ITIH5: variants seen among roughly 807,000 people sequenced by gnomAD.
ITIH5 encodes inter-alpha-trypsin inhibitor heavy chain H5.
Under a neutral mutation model 77.5 loss-of-function variants are expected in ITIH5, and 65 were observed. The ratio of observed to expected loss-of-function variants is 0.84; its 90% CI spans 0.69 to 1.03. The LOEUF (loss-of-function observed/expected upper bound fraction) is 1.03, where lower values mean the gene tolerates loss of function less well. Among genes scored for constraint, ITIH5 ranks in the 50% least tolerant of loss-of-function variants. The pLI is 0.00. For missense variants in ITIH5, 1,208 were observed against 1,213.1 expected, an observed-to-expected ratio of 1.00 and a Z score of 0.06; for synonymous variants, 525 against 494.3, an observed-to-expected ratio of 1.06 and a Z score of -0.82.
intron 2 of ITIH5, among the ~76,000 whole-genome samples, chr10:7,653,497 C>T (rs1246504947): frequency 6.6e-6 from 1 of 151,964 alleles, no homozygotes; most frequent in Non-Finnish European, 1.5e-5. Context: ...CGTGAGCCAT[C>T]GAGCCTGGCA....
chr10:7,575,030 C>T (rs2130953981), intron 10 of ITIH5, among the ~76,000 whole-genome samples: 1 of 152,244 alleles, frequency 6.6e-6, no homozygotes, highest in African/African-American at 2.4e-5. Context: ...TGCTTTTAAT[C>T]ACAACAAAAA....
intron 5 of ITIH5, among the ~76,000 whole-genome samples, chr10:7,623,818 AAAAAAATACCTT>A (rs1229831593): frequency 6.6e-6 from 1 of 151,604 alleles, no homozygotes; most frequent in Non-Finnish European, 1.5e-5. Flanking sequence ...AAAAAAAAAA[AAAAAAATACCTT>A]CATAAGTCTC....
chr10:7,603,873 A>G (rs560129170), intron 7 of ITIH5, among the ~76,000 whole-genome samples: 24 of 152,050 alleles, frequency 1.6e-4, no homozygotes, highest in South Asian at 1.0e-3. Flanking sequence ...ATGAGCCACC[A>G]CGCCCGGCCT....
Position 7,644,599 on chromosome 10 carries a change from CATATCACATATATCACATAT to C in ITIH5, c.136-2529_136-2510del, listed in dbSNP as rs1412770532. 5.8e-3 allele frequency among the ~76,000 whole-genome samples: 503 copies of C among 87,254 alleles called. 5 individuals carry two copies. The highest frequency in any genetic ancestry group is 0.012 in the Middle Eastern group (1 of 84). 57.2% of individuals were successfully genotyped at this position (87,254 alleles called of 152,430 possible). A position where few individuals can be genotyped will look rare whatever the true frequency, so the allele number is the denominator to read the frequency against. ...TCACATATATCACATATATATCATA[CATATCACATATATCACATAT>C]ATATCACATATATCACATATATATC... On this transcript the variant is annotated intron_variant, in intron 2 of 13. Coordinates refer to ENST00000397146, the MANE Select transcript of ITIH5 (RefSeq NM_030569.7).
chr10:7,559,905 G>A lies in ITIH5; in HGVS notation c.*3178C>T, dbSNP rs567151571. 1.6e-4 allele frequency: 71 copies of A among 450,894 alleles called. No individual in the cohort carries two copies. The highest frequency in any genetic ancestry group is 1.4e-3 in the African/African-American group (68 of 49,458). The allele number at this position is 450,894 out of a possible 1,614,324, so 27.9% of individuals were successfully genotyped here. On this transcript the variant is annotated 3_prime_UTR_variant, in exon 14 of 14. Coordinates refer to ENST00000397146, the MANE Select transcript of ITIH5 (RefSeq NM_030569.7). ...TTGGCTCTGTCACTCCAGCTGGAGTGCAGTGGCGTGATCTTGGCTCACTAC... is the reference window on the plus strand; with the variant it reads ...TTGGCTCTGTCACTCCAGCTGGAGTACAGTGGCGTGATCTTGGCTCACTAC...
rs771359639 is a variant in ITIH5, at chr10:7,565,557, TATAC to T, written c.2527+469_2527+472del. 1.5e-4 allele frequency among the ~76,000 whole-genome samples: 22 copies of T among 149,452 alleles called. No individual in the cohort carries two copies. The South Asian group carries it at 3.8e-3, about 26-fold the overall frequency. On this transcript the variant is annotated intron_variant, in intron 13 of 13. Transcript: ENST00000397146. ...ATACTTATCAGTCTGTGTATACATATATACATACAGACGGTATATATAATACATA... is the reference window on the plus strand; with the variant it reads ...ATACTTATCAGTCTGTGTATACATATATACAGACGGTATATATAATACATA...
At chr10:7,624,857 G>T (rs11596141) in intron 5 of ITIH5, among the ~76,000 whole-genome samples, 1 of 56,098 alleles carries the variant, frequency 1.8e-5, no homozygotes, top group South Asian at 6.7e-4. Context: ...ATATATATGT[G>T]TATATATGTA....
chr10:7,592,099 G>A (rs946270321), intron 7 of ITIH5, among the ~76,000 whole-genome samples: 5 of 152,120 alleles, frequency 3.3e-5, no homozygotes, highest in Non-Finnish European at 5.9e-5. Context: ...TCGATCTCTC[G>A]ACCTGGTGAT....
chr10:7,566,531 C>T, intron 12 of ITIH5, 124 bp from the exon 13 acceptor site: 1 of 835,792 alleles, frequency 1.2e-6, no homozygotes, highest in South Asian at 1.8e-5. Context: ...AGTTCAAGAC[C>T]AGCCTGGGCA....
chr10:7,568,250 C>T (rs12416004), intron 12 of ITIH5, among the ~76,000 whole-genome samples: 13,619 of 152,246 alleles, frequency 0.089, 817 homozygotes, highest in Admixed American at 0.14. Flanking sequence ...GCTTTGAGAA[C>T]AATCTTCCCA....
rs773767650 is a variant in ITIH5 at position 7,642,016 on chromosome 10, G to C, written c.210C>G (p.Ser70=). Residue 70 remains serine, a synonymous_variant, in exon 3 of 14, where the codon TCC becomes TCG. Coordinates refer to ENST00000397146, the MANE Select transcript of ITIH5 (RefSeq NM_030569.7). ...IISRYAFTTV[S]CRMLNRASED... ...CAGAAGCTCTGTTCAGCATTCTGCAGGAAACCGTAGTGAAGGCATAACGGG... is the reference window on the plus strand; with the variant it reads ...CAGAAGCTCTGTTCAGCATTCTGCACGAAACCGTAGTGAAGGCATAACGGG... The C allele has an allele frequency of 3.1e-6, 5 of 1,614,010 alleles. No individual in the cohort carries two copies. Among genetic ancestry groups the C allele is most frequent in the Non-Finnish European group, 4.2e-6 (5 of 1,179,972 alleles).
At chr10:7,617,567 AC>A in intron 5 of ITIH5, 1 of 224,354 alleles carries the variant, frequency 4.5e-6, no homozygotes, top group South Asian at 1.8e-4. Flanking sequence ...ACTTTAACAA[AC>A]ATCAGCATGT....
At chr10:7,616,602 C>T (rs1002681489) in intron 6 of ITIH5, among the ~76,000 whole-genome samples, 1 of 152,060 alleles carries the variant, frequency 6.6e-6, no homozygotes, top group Non-Finnish European at 1.5e-5. Context: ...CTGAGGGGGT[C>T]AGATCACCTG....
chr10:7,652,722 G>A (rs1257208416), intron 2 of ITIH5, among the ~76,000 whole-genome samples: 1 of 152,002 alleles, frequency 6.6e-6, no homozygotes, highest in Non-Finnish European at 1.5e-5. Flanking sequence ...TATTACTTAG[G>A]AACTGAGCAC....
intron 5 of ITIH5, among the ~76,000 whole-genome samples, chr10:7,630,660 G>A (rs1833697209): frequency 6.6e-6 from 1 of 152,082 alleles, no homozygotes; most frequent in Admixed American, 6.5e-5. Flanking sequence ...TATTTTAATT[G>A]GGTTGTTTAT....
chr10:7,626,550 G>T (rs776976534), intron 5 of ITIH5, among the ~76,000 whole-genome samples: 18 of 152,170 alleles, frequency 1.2e-4, no homozygotes, highest in African/African-American at 3.9e-4. Flanking sequence ...CCTTCCAGCC[G>T]CAGAGCAGAG....
At chr10:7,644,928 TATATATATCACATATATATATATCACAC>T (rs778582991) in intron 2 of ITIH5, among the ~76,000 whole-genome samples, 16,574 of 68,732 alleles carry the variant, frequency 0.24, 2,511 homozygotes, top group East Asian at 0.45. Flanking sequence ...ATATATCACA[TATATATATCACATATATATATATCACAC>T]ATATATATAT....
chr10:7,581,945 G>T (rs55698530), intron 8 of ITIH5, among the ~76,000 whole-genome samples: 45,833 of 144,642 alleles, frequency 0.32, 7,444 homozygotes, highest in Middle Eastern at 0.44. Flanking sequence ...GCGTGATCTT[G>T]GCTCACTGCA....
chr10:7,597,044 CAAAAAAA>C (rs71383924), intron 7 of ITIH5, among the ~76,000 whole-genome samples: 1 of 36,920 alleles, frequency 2.7e-5, no homozygotes, highest in Admixed American at 4.7e-4. Context: ...GTCTCCAACT[CAAAAAAA>C]AAAAAAAAAA....
Sources: allele counts gnomAD v4.1 joint callset (sites outside exome capture counted in the v4.1 genomes callset), GRCh38; gene constraint gnomAD v4.1.1; transcripts MANE v1.5; gene names NCBI Gene and HGNC (gene_info 2026-07-23, HGNC 2026-07-21).